Variants in PDE10A observed in about 807,000 individuals in gnomAD.
The protein encoded by PDE10A is cAMP and cAMP-inhibited cGMP 3',5'-cyclic phosphodiesterase 10A.
Under a neutral mutation model 97.7 loss-of-function variants are expected in PDE10A, and 39 were observed. The observed-to-expected ratio is 0.40, with a 90% CI of 0.31 to 0.52. PDE10A has a LOEUF of 0.52. PDE10A is among the 20% of genes least tolerant of loss of function. The pLI, the probability that PDE10A is intolerant of heterozygous loss-of-function variation, is 0.56. For missense variants in PDE10A, 731 were observed against 1,047.8 expected, an observed-to-expected ratio of 0.70 and a Z score of 4.17; for synonymous variants, 371 against 376.8, an observed-to-expected ratio of 0.98 and a Z score of 0.18.
intron 1 of PDE10A, among the ~76,000 whole-genome samples, chr6:165,719,516 T>C (rs1038297614): frequency 1.3e-5 from 2 of 152,220 alleles, no homozygotes; most frequent in Admixed American, 6.5e-5. Flanking sequence ...TGTGGTAGGA[T>C]AGATTTTCAA....
intron 1 of PDE10A, among the ~76,000 whole-genome samples, chr6:165,756,601 C>T (rs1043633644): frequency 1.3e-5 from 2 of 152,098 alleles, no homozygotes; most frequent in African/African-American, 2.4e-5. Flanking sequence ...TGTAACTGCA[C>T]GGATGGCCAA....
chr6:165,915,480 A>G (rs1782580234), intron 1 of PDE10A, among the ~76,000 whole-genome samples: 1 of 152,226 alleles, frequency 6.6e-6, no homozygotes, highest in African/African-American at 2.4e-5. Flanking sequence ...GTCACATGCC[A>G]CAGTGCAGCC....
At chr6:165,678,994 C>CA (rs1790901142) in intron 1 of PDE10A, among the ~76,000 whole-genome samples, 1 of 152,112 alleles carries the variant, frequency 6.6e-6, no homozygotes, top group Non-Finnish European at 1.5e-5. Flanking sequence ...AAAAATCATC[C>CA]CATTGATTTA....
chr6:165,698,715 C>A (rs370981990), intron 1 of PDE10A, among the ~76,000 whole-genome samples: 1 of 152,014 alleles, frequency 6.6e-6, no homozygotes, highest in South Asian at 2.1e-4. Flanking sequence ...CCAGACGTGG[C>A]GGCATTTGCT....
At chr6:165,876,617 C>T (rs1462730156) in intron 1 of PDE10A, among the ~76,000 whole-genome samples, 4 of 152,122 alleles carry the variant, frequency 2.6e-5, no homozygotes, top group Non-Finnish European at 5.9e-5. Flanking sequence ...CTTTTTCTCC[C>T]CAAAGTTCAA....
At chr6:165,335,731 C>T (rs981616795) in intron 21 of PDE10A, among the ~76,000 whole-genome samples, 1 of 152,068 alleles carries the variant, frequency 6.6e-6, no homozygotes, top group Non-Finnish European at 1.5e-5. Flanking sequence ...AAAGACCTGG[C>T]ACCCCACTCA....
chr6:165,918,616 G>A (rs1782670070), intron 1 of PDE10A, among the ~76,000 whole-genome samples: 2 of 152,178 alleles, frequency 1.3e-5, no homozygotes, highest in South Asian at 4.1e-4. Flanking sequence ...TTTTGATATT[G>A]CCATTTTGTA....
At chr6:165,952,763 C>A (rs1240327098) in intron 1 of PDE10A, among the ~76,000 whole-genome samples, 1 of 152,098 alleles carries the variant, frequency 6.6e-6, no homozygotes, top group East Asian at 1.9e-4. Flanking sequence ...TCAGGGCTCA[C>A]ATGGGCCTAG....
chr6:165,501,495 C>T (rs370697137), intron 2 of PDE10A, among the ~76,000 whole-genome samples: 1 of 152,058 alleles, frequency 6.6e-6, no homozygotes, highest in East Asian at 1.9e-4. Context: ...ATGGCGTGAA[C>T]CCAGGAGGTG....
intron 1 of PDE10A, among the ~76,000 whole-genome samples, chr6:165,797,242 G>A (rs1000283308): frequency 6.6e-6 from 1 of 152,166 alleles, no homozygotes; most frequent in Non-Finnish European, 1.5e-5. Flanking sequence ...TGATTAACTG[G>A]CTACTGGCGA....
At chr6:165,462,570 TCCCGAGGAC>T (rs1281178465) in intron 3 of PDE10A, among the ~76,000 whole-genome samples, 2 of 152,094 alleles carry the variant, frequency 1.3e-5, no homozygotes, top group African/African-American at 4.8e-5. Context: ...TCTGGGAGGA[TCCCGAGGAC>T]CCCCTAGTTG....
chr6:165,440,086 A>T (rs1371378376), intron 5 of PDE10A, among the ~76,000 whole-genome samples: 2 of 152,216 alleles, frequency 1.3e-5, no homozygotes, highest in African/African-American at 4.8e-5. Context: ...TTTACCAATA[A>T]GCTATTATCC....
chr6:165,958,568 AGACAGAAAGAAAGACAGAAAGAG>A (rs1562327356), intron 1 of PDE10A, among the ~76,000 whole-genome samples: 23 of 9,872 alleles, frequency 2.3e-3, no homozygotes, highest in South Asian at 4.0e-3. Flanking sequence ...AAAGAAAGAC[AGACAGAAAGAAAGACAGAAAGAG>A]AGAAAGAAAG....
At chr6:165,860,252 G>T (rs990378123) in intron 1 of PDE10A, among the ~76,000 whole-genome samples, 1 of 152,136 alleles carries the variant, frequency 6.6e-6, no homozygotes, top group Non-Finnish European at 1.5e-5. Context: ...TTGAGAGATC[G>T]AGATCAGCCT....
At chr6:165,643,233 G>T (rs925702837) in intron 1 of PDE10A, among the ~76,000 whole-genome samples, 2 of 149,974 alleles carry the variant, frequency 1.3e-5, no homozygotes, top group Non-Finnish European at 3.0e-5. Flanking sequence ...GTGAGTGAGT[G>T]GGTGGGTGGG....
At chr6:165,502,891 T>C (rs1264229879) in intron 2 of PDE10A, among the ~76,000 whole-genome samples, 2 of 152,200 alleles carry the variant, frequency 1.3e-5, no homozygotes, top group Admixed American at 6.5e-5. Context: ...ATAGGGACTT[T>C]CTGAGATGAC....
chr6:165,653,170 C>T (rs192258951), intron 1 of PDE10A, among the ~76,000 whole-genome samples: 2 of 152,272 alleles, frequency 1.3e-5, no homozygotes, highest in East Asian at 1.9e-4. Flanking sequence ...TTTTAAAGGA[C>T]GATTTCAGTC....
intron 1 of PDE10A, among the ~76,000 whole-genome samples, chr6:165,882,282 G>C (rs1278014016): frequency 6.6e-6 from 1 of 152,204 alleles, no homozygotes; most frequent in Non-Finnish European, 1.5e-5. Flanking sequence ...CAGCTAGACT[G>C]TGTGTTCCCC....
chr6:165,339,110 T>C (rs747421837), intron 20 of PDE10A, among the ~76,000 whole-genome samples, 168 bp downstream of exon 20: 2 of 152,232 alleles, frequency 1.3e-5, no homozygotes, highest in Non-Finnish European at 2.9e-5. Context: ...TAGTTCTCAA[T>C]CTTGTAAGAT....
Sources: allele counts gnomAD v4.1 joint callset (sites outside exome capture counted in the v4.1 genomes callset), GRCh38; gene constraint gnomAD v4.1.1; transcripts MANE v1.5; gene names NCBI Gene and HGNC (gene_info 2026-07-23, HGNC 2026-07-21).